GARS1: variants seen among roughly 807,000 people sequenced by gnomAD.
GARS1 encodes glycine--tRNA ligase.
GARS1 carries 46 observed loss-of-function variants against 86.4 expected under a neutral mutation model. The observed-to-expected ratio is 0.53, with a 90% CI of 0.42 to 0.68. GARS1 has a LOEUF of 0.68. Ranked by LOEUF, GARS1 falls within the 30% of genes least tolerant of loss-of-function variation. The pLI, the probability that GARS1 is intolerant of heterozygous loss-of-function variation, is 0.00. For missense variants in GARS1, 797 were observed against 915.6 expected, an observed-to-expected ratio of 0.87 and a Z score of 1.67; for synonymous variants, 342 against 329.8, an observed-to-expected ratio of 1.04 and a Z score of -0.40.
chr7:30,606,974 T>G (rs1476892413), intron 6 of GARS1, among the ~76,000 whole-genome samples: 1 of 152,220 alleles, frequency 6.6e-6, no homozygotes, highest in African/African-American at 2.4e-5. Context: ...CAAAACATAA[T>G]GATTGATGTG....
In GARS1 at chr7:30,632,349, G is replaced by T. The variant is rs1783252941; in HGVS notation, c.2006G>T (p.Gly669Val). 1 of 1,614,116 alleles carries T rather than the reference G, an allele frequency of 6.2e-7. No individual in the cohort carries two copies. Among genetic ancestry groups the T allele is most frequent in the Non-Finnish European group, 8.5e-7 (1 of 1,180,040 alleles). Reference protein sequence around the residue: ...ARTDEIGVAFGVTIDFDTVNK... With the variant: ...ARTDEIGVAFVVTIDFDTVNK... ...ACTGATGAGATTGGCGTGGCTTTTG[G>T]TGTCACCATTGACTTTGACACAGTG... The change falls in exon 16 of 17, where the codon GGT (glycine) becomes GTT (valine). Residue 669 changes from glycine (G) to valine (V), a missense_variant. Physicochemically the swap from Gly to Val is moderately radical, Grantham distance 109. Transcript: ENST00000389266. This position sits in a 1 kb window ranked among gnomAD's most constrained non-coding sequence, Gnocchi z 4.1.
intron 10 of GARS1, among the ~76,000 whole-genome samples, chr7:30,618,944 ACTT>A (rs1782944238): frequency 6.6e-6 from 1 of 152,022 alleles, no homozygotes; most frequent in Non-Finnish European, 1.5e-5. Context: ...ATTTTCTGGG[ACTT>A]CTTTTTATTT....
intron 10 of GARS1, among the ~76,000 whole-genome samples, 175 bp downstream of exon 10, chr7:30,617,453 G>C (rs1782911966): frequency 1.3e-5 from 2 of 152,192 alleles, no homozygotes; most frequent in Non-Finnish European, 2.9e-5. Context: ...AGTGTCCTAA[G>C]GAGCTCGTTG....
intron 1 of GARS1, chr7:30,595,877 C>G: frequency 2.1e-6 from 1 of 471,112 alleles, no homozygotes; most frequent in South Asian, 1.5e-5. Flanking sequence ...CTAAGTGTTG[C>G]GGAGTGAAGT....
intron 10 of GARS1, among the ~76,000 whole-genome samples, chr7:30,618,069 T>G (rs1782926307): frequency 6.6e-6 from 1 of 152,222 alleles, no homozygotes. Flanking sequence ...TTTCTTTTTA[T>G]GGATTTTTAA....
chr7:30,628,270 C>T (rs901907178), intron 13 of GARS1, among the ~76,000 whole-genome samples: 6 of 151,916 alleles, frequency 3.9e-5, no homozygotes, highest in South Asian at 4.1e-4. Flanking sequence ...CTGCAACCTC[C>T]GCCTCCTGGG....
At chr7:30,609,496 C>A in intron 6 of GARS1, 89 bp from the exon 7 acceptor site, 1 of 1,059,264 alleles carries the variant, frequency 9.4e-7, no homozygotes, top group Non-Finnish European at 1.5e-6. Context: ...GTGATTGTAG[C>A]AGTGGATGGC....
At chr7:30,633,090 T>C (rs1416242314) in intron 16 of GARS1, among the ~76,000 whole-genome samples, 1 of 152,222 alleles carries the variant, frequency 6.6e-6, no homozygotes, top group East Asian at 1.9e-4. Flanking sequence ...GAGTTTATAG[T>C]CTAATCCAGA....
rs1362489177 is a variant in GARS1 at position 30,595,000 on chromosome 7, C to T, written c.79C>T (p.Arg27Ter). 6.3e-7 allele frequency: 1 copy of T among 1,589,850 alleles called. No individual in the cohort carries two copies. The highest frequency in any genetic ancestry group is 8.5e-7 in the Non-Finnish European group (1 of 1,175,792). ...LLLLPPRLLA[R>*]PSLLLRRSLS... ...GCTGCTGCCGCCCCGGCTCTTAGCC[C>T]GACCCTCGCTCCTGCTCCGCCGGTC... Residue 27 changes from arginine to a stop codon, truncating the protein, a stop_gained, in exon 1 of 17, where the codon CGA becomes TGA. Coordinates refer to ENST00000389266, the MANE Select transcript of GARS1 (RefSeq NM_002047.4). LOFTEE classifies it high-confidence loss of function.
At chr7:30,609,477 G>T in intron 6 of GARS1, 108 bp from the exon 7 acceptor site, 1 of 918,986 alleles carries the variant, frequency 1.1e-6, no homozygotes, top group South Asian at 1.4e-5. Flanking sequence ...TGATGTTCCT[G>T]AATTTTGTGT....
At chr7:30,600,092 C>A in intron 3 of GARS1, 43 bp downstream of exon 3, 1 of 1,345,918 alleles carries the variant, frequency 7.4e-7, no homozygotes. Context: ...TTGTTAGTGG[C>A]TCTAATATTA....
chr7:30,608,457 A>G (rs188448569), intron 6 of GARS1, among the ~76,000 whole-genome samples: 1 of 152,316 alleles, frequency 6.6e-6, no homozygotes, highest in Admixed American at 6.5e-5. Flanking sequence ...TCACTGGAAC[A>G]GTTTCCTCAT....
chr7:30,604,388 C>CA (rs1260828388), intron 6 of GARS1, among the ~76,000 whole-genome samples: 1 of 152,076 alleles, frequency 6.6e-6, no homozygotes, highest in Non-Finnish European at 1.5e-5. Context: ...GGGCAAAAAA[C>CA]AAAAAACCAA....
intron 12 of GARS1, among the ~76,000 whole-genome samples, chr7:30,625,695 T>G (rs528942651): frequency 6.6e-6 from 1 of 152,352 alleles, no homozygotes; most frequent in East Asian, 1.9e-4. Context: ...GGATAATATT[T>G]TATATTGCCA....
chr7:30,628,542 T>C lies in GARS1; in HGVS notation c.1700-18T>C. The C allele has an allele frequency of 6.5e-7, 1 of 1,538,558 alleles. No individual in the cohort carries two copies. The highest frequency in any genetic ancestry group is 9.0e-7 in the Non-Finnish European group (1 of 1,111,858). ...TGGTATTTGAGAGAATGTTATTGAA[T>C]TTCTATCTCTTTTTCAGTGGAAGAA... On this transcript the variant is annotated intron_variant, in intron 13 of 16. Coordinates refer to ENST00000389266, the MANE Select transcript of GARS1 (RefSeq NM_002047.4).
At chr7:30,613,797 G>A (rs971692805) in intron 8 of GARS1, among the ~76,000 whole-genome samples, 4 of 152,172 alleles carry the variant, frequency 2.6e-5, no homozygotes, top group African/African-American at 7.2e-5. Context: ...GCATCCTCCT[G>A]GCTTTTGTTC....
At chr7:30,603,922 A>G (rs1791431766) in intron 6 of GARS1, among the ~76,000 whole-genome samples, 1 of 152,152 alleles carries the variant, frequency 6.6e-6, no homozygotes, top group South Asian at 2.1e-4. Flanking sequence ...CTTGATGAGC[A>G]CTTTCTCACT....
intron 14 of GARS1, 114 bp from the exon 15 acceptor site, chr7:30,631,334 A>G (rs1783231045): frequency 2.6e-6 from 2 of 766,932 alleles, no homozygotes; most frequent in South Asian, 2.9e-5. Flanking sequence ...GCATTTTGGT[A>G]ATGACGTTAT....
intron 8 of GARS1, 47 bp from the exon 9 acceptor site, chr7:30,615,838 GTTTGTTTGTTT>G: frequency 6.3e-7 from 1 of 1,576,470 alleles, no homozygotes; most frequent in Non-Finnish European, 8.7e-7. Context: ...CTTGTTTTTT[GTTTGTTTGTTT>G]TTTGTAGTTA....
Sources: allele counts gnomAD v4.1 joint callset (sites outside exome capture counted in the v4.1 genomes callset), GRCh38; gene constraint gnomAD v4.1.1; non-coding constraint Gnocchi (gnomAD v3.1); transcripts MANE v1.5; gene names NCBI Gene and HGNC (gene_info 2026-07-23, HGNC 2026-07-21).